SNX6: variants seen among roughly 807,000 people sequenced by gnomAD.
The protein encoded by SNX6 is sorting nexin-6.
A neutral mutation model predicts 63.0 loss-of-function variants in SNX6; 34 were observed. That is an observed-to-expected ratio of 0.54 (90% CI 0.41 to 0.72). SNX6 has a LOEUF of 0.72. SNX6 is among the 30% of genes least tolerant of loss of function. The pLI, the probability that SNX6 is intolerant of heterozygous loss-of-function variation, is 0.00. For missense variants in SNX6, 398 were observed against 471.4 expected (o/e 0.84, Z 1.44); for synonymous variants, 170 against 164.2 (o/e 1.04, Z -0.27).
chr14:34,565,128 A>G (rs554059613), intron 13 of SNX6, among the ~76,000 whole-genome samples: 4 of 146,798 alleles, frequency 2.7e-5, no homozygotes, highest in Non-Finnish European at 5.9e-5. Flanking sequence ...CCCAGGCTGG[A>G]CTGCAGTGGC....
At chr14:34,600,089 C>G (rs1359092347) in intron 6 of SNX6, among the ~76,000 whole-genome samples, 1 of 152,070 alleles carries the variant, frequency 6.6e-6, no homozygotes, top group Non-Finnish European at 1.5e-5. Flanking sequence ...TTTCTAAAAT[C>G]AAATTTTGAG....
In SNX6 at chr14:34,597,558, C is replaced by G; in HGVS notation, c.604G>C (p.Gly202Arg). The change falls in exon 7 of 14, where the codon GGA becomes CGA. Residue 202 changes from glycine to arginine, a missense_variant. By Grantham distance (125) the Gly-to-Arg change is moderately radical. Coordinates refer to ENST00000362031, the MANE Select transcript of SNX6 (RefSeq NM_152233.4). Reference sequence around the variant, plus strand: ...ATCAAATAAAATCTTACCTTTACTCCTGAAACGATTACTCCATCTGCTGAT... The same window carrying G: ...ATCAAATAAAATCTTACCTTTACTCGTGAAACGATTACTCCATCTGCTGAT... ...VKSADGVIVS[G>R]VKDVDDFFEH... 1 of 1,584,766 alleles carries G rather than the reference C, an allele frequency of 6.3e-7. No homozygotes were observed. Among genetic ancestry groups the G allele is most frequent in the East Asian group, 2.2e-5 (1 of 44,690 alleles).
chr14:34,592,946 G>T, intron 8 of SNX6, 99 bp downstream of exon 8: 1 of 836,556 alleles, frequency 1.2e-6, no homozygotes, highest in South Asian at 1.6e-5. Context: ...AGACCAGTTT[G>T]AGAACTACTG....
chr14:34,575,837 T>A lies in SNX6; in HGVS notation c.840A>T (p.Ile280=), dbSNP rs756817947. The change falls in exon 11 of 14, where the codon ATA becomes ATT. Residue 280 remains isoleucine (I), a synonymous_variant. Coordinates refer to ENST00000362031, the MANE Select transcript of SNX6 (RefSeq NM_152233.4). ...VSELFDKTRK[I]EARVSADEDL... ...CTTCATCAGCAGACACTCGTGCTTC[T>A]ATTTTCTGAAAAGAAGGAAAAAATT... 6 of 1,576,026 alleles carry A rather than the reference T, an allele frequency of 3.8e-6. No individual in the cohort carries two copies. The Admixed American group carries it at 1.1e-4, about 29-fold the overall frequency.
At chr14:34,613,421 C>T (rs1050341689) in intron 2 of SNX6, among the ~76,000 whole-genome samples, 3 of 152,206 alleles carry the variant, frequency 2.0e-5, no homozygotes, top group Non-Finnish European at 4.4e-5. Flanking sequence ...TAGCATTTCT[C>T]CACTTCTGAG....
At chr14:34,565,104 G>C (rs1199442201) in intron 13 of SNX6, among the ~76,000 whole-genome samples, 1 of 143,778 alleles carries the variant, frequency 7.0e-6, no homozygotes. Flanking sequence ...TGGAGAAGGA[G>C]TCTTGCTCTG....
At chr14:34,568,981 T>C in intron 11 of SNX6, 1 of 1,449,094 alleles carries the variant, frequency 6.9e-7, no homozygotes, top group Non-Finnish European at 9.7e-7. Context: ...CCAGTTCTCA[T>C]CGTAGGGAGC....
At chr14:34,629,138 C>CAA (rs148705306) in intron 2 of SNX6, among the ~76,000 whole-genome samples, 54 of 148,152 alleles carry the variant, frequency 3.6e-4, no homozygotes, top group East Asian at 1.4e-3. Context: ...AATGTTCTCA[C>CAA]ACAAAAAAAA....
intron 6 of SNX6, among the ~76,000 whole-genome samples, chr14:34,600,997 G>A (rs140003903): frequency 0.022 from 3,277 of 150,916 alleles, 113 homozygotes; most frequent in African/African-American, 0.071. Context: ...CAGCCTGGGC[G>A]ACAGAGACTC....
intron 2 of SNX6, among the ~76,000 whole-genome samples, chr14:34,628,901 A>G (rs1242981870): frequency 6.6e-6 from 1 of 152,158 alleles, no homozygotes; most frequent in East Asian, 1.9e-4. Flanking sequence ...ACAAGGGACT[A>G]TAAAGATTAC....
At chr14:34,581,461 A>T in intron 10 of SNX6, 100 bp downstream of exon 10, 1 of 660,130 alleles carries the variant, frequency 1.5e-6, no homozygotes, top group Non-Finnish European at 2.6e-6. Context: ...AATAGTGATC[A>T]CTCTTTTAAA....
chr14:34,572,496 C>T (rs1881490212), intron 11 of SNX6, among the ~76,000 whole-genome samples: 1 of 152,094 alleles, frequency 6.6e-6, no homozygotes, highest in Admixed American at 6.6e-5. Context: ...TTGATATGAA[C>T]AGTGTATTTA....
intron 8 of SNX6, among the ~76,000 whole-genome samples, chr14:34,587,167 A>G (rs1882199619): frequency 1.3e-5 from 2 of 152,118 alleles, no homozygotes; most frequent in African/African-American, 4.8e-5. Flanking sequence ...TGCAGGATAT[A>G]AGATCAATAT....
chr14:34,569,132 T>A, intron 11 of SNX6: 1 of 851,024 alleles, frequency 1.2e-6, no homozygotes, highest in South Asian at 1.3e-5. Context: ...CCAGGCATCA[T>A]GCGGCCCGGC....
chr14:34,596,248 G>A (rs1351271997), intron 7 of SNX6, among the ~76,000 whole-genome samples: 1 of 151,370 alleles, frequency 6.6e-6, no homozygotes, highest in Non-Finnish European at 1.5e-5. Flanking sequence ...AAAAATATAG[G>A]TGTTTTCCAC....
At chr14:34,591,364 C>T (rs1882385568) in intron 8 of SNX6, among the ~76,000 whole-genome samples, 2 of 152,080 alleles carry the variant, frequency 1.3e-5, no homozygotes, top group South Asian at 4.1e-4. Flanking sequence ...AGTGGTGACA[C>T]AATTCAATGT....
chr14:34,565,690 T>C (rs1283467629), intron 13 of SNX6, among the ~76,000 whole-genome samples: 1 of 149,146 alleles, frequency 6.7e-6, no homozygotes, highest in Non-Finnish European at 1.5e-5. Context: ...CTGATTTTTT[T>C]TTTTTCTTTT....
chr14:34,583,421 G>A lies in SNX6; in HGVS notation c.795-1821C>T, dbSNP rs139726226. Among the ~76,000 whole-genome samples the A allele has an allele frequency of 2.4e-4, 33 of 138,452 alleles. No individual in the cohort carries two copies. In the East Asian group the frequency reaches 4.4e-3, roughly 19 times the overall value. 90.8% of individuals were successfully genotyped at this position (138,452 alleles called of 152,430 possible). The stretch of plus-strand genomic sequence containing the variant: ...GAAAATAAATTCTTAAGTAGAAATT[G>A]GTTATTCATTTTTTTCTTTTTTTTT... On this transcript the variant is annotated intron_variant, in intron 9 of 13. Transcript: ENST00000362031.
intron 13 of SNX6, among the ~76,000 whole-genome samples, chr14:34,567,021 G>A (rs1372438689): frequency 1.3e-5 from 2 of 152,008 alleles, no homozygotes; most frequent in Non-Finnish European, 2.9e-5. Flanking sequence ...TCAGGAGTTC[G>A]AGACCAGTCT....
Sources: gnomAD v4.1 joint callset for allele counts (sites outside exome capture counted in the v4.1 genomes callset) on GRCh38, gnomAD v4.1.1 for gene constraint, MANE v1.5 for transcripts, NCBI Gene and HGNC (gene_info 2026-07-23, HGNC 2026-07-21) for gene names.